Variants in IL12B observed in about 807,000 individuals in gnomAD.
IL12B encodes interleukin 12B, also known as interleukin-12 subunit beta.
In IL12B, 27 loss-of-function variants were observed where a neutral mutation model predicts 39.2. The ratio of observed to expected loss-of-function variants is 0.69; its 90% CI spans 0.51 to 0.95. IL12B has a LOEUF of 0.95. Among genes scored for constraint, IL12B ranks in the 40% least tolerant of loss-of-function variants. The pLI is 0.00. For missense variants in IL12B, 351 were observed against 397.6 expected, an observed-to-expected ratio of 0.88 and a Z score of 1.00; for synonymous variants, 142 against 152.1, an observed-to-expected ratio of 0.93 and a Z score of 0.49.
At chr5:159,326,264 T>C (rs997677215) in intron 2 of IL12B, among the ~76,000 whole-genome samples, 4 of 152,170 alleles carry the variant, frequency 2.6e-5, no homozygotes, top group African/African-American at 9.7e-5. Flanking sequence ...AATCCTATGC[T>C]TCCTCCAAAG....
At position 159,320,326 on chromosome 5, in the gene IL12B, C is replaced by G; in HGVS notation, c.677G>C (p.Ser226Thr). Reference protein sequence around the residue: ...HKLKYENYTSSFFIRDIIKPD... With the variant: ...HKLKYENYTSTFFIRDIIKPD... ...CTCACTGATGTCCCTGATGAAGAAG[C>G]TGCTGGTGTAGTTTTCATACTTGAG... The change falls in exon 5 of 8, where the codon AGC becomes ACC. Residue 226 changes from serine to threonine, a missense_variant. By Grantham distance (58) the Ser-to-Thr change is moderately conservative. Coordinates refer to ENST00000231228, the MANE Select transcript of IL12B (RefSeq NM_002187.3). The G allele has an allele frequency of 1.9e-6, 3 of 1,614,086 alleles. No homozygotes were observed. The highest frequency in any genetic ancestry group is 2.5e-6 in the Non-Finnish European group (3 of 1,179,968).
At chr5:159,326,161 T>C (rs1191431137) in intron 2 of IL12B, among the ~76,000 whole-genome samples, 1 of 152,218 alleles carries the variant, frequency 6.6e-6, no homozygotes, top group African/African-American at 2.4e-5. Context: ...AGTTTACAGT[T>C]GAGGAAATTC....
intron 2 of IL12B, 126 bp from the exon 3 acceptor site, chr5:159,323,455 T>A: frequency 1.1e-6 from 1 of 888,862 alleles, no homozygotes; most frequent in Non-Finnish European, 1.8e-6. Flanking sequence ...ATTTGGCAAA[T>A]GCTTGCTGAG....
In IL12B at chr5:159,315,094, T is replaced by A. The variant is rs1199083199; in HGVS notation, c.*1007A>T. Reference sequence around the variant, plus strand: ...TCTCTCTTGAATCTTAAGATCTTTTTGCCTTCCAGACACTTACGGTGTTTC... The same window carrying A: ...TCTCTCTTGAATCTTAAGATCTTTTAGCCTTCCAGACACTTACGGTGTTTC... On this transcript the variant is annotated 3_prime_UTR_variant, in exon 8 of 8. Coordinates refer to ENST00000231228, the MANE Select transcript of IL12B (RefSeq NM_002187.3). 6.6e-6 allele frequency: 1 copy of A among 152,354 alleles called. No homozygotes were observed. The highest frequency in any genetic ancestry group is 1.9e-4 in the East Asian group (1 of 5,332). The allele number at this position is 152,354 out of a possible 1,614,324, so 9.4% of individuals were successfully genotyped here.
chr5:159,328,254 A>G (rs890296166), intron 1 of IL12B, among the ~76,000 whole-genome samples: 1 of 152,212 alleles, frequency 6.6e-6, no homozygotes, highest in Non-Finnish European at 1.5e-5. Flanking sequence ...GGGCATGGCT[A>G]TCACTTCAGT....
At chr5:159,329,767 T>C (rs1291300835) in intron 1 of IL12B, among the ~76,000 whole-genome samples, 1 of 152,100 alleles carries the variant, frequency 6.6e-6, no homozygotes, top group African/African-American at 2.4e-5. Context: ...TTTGTTAAAA[T>C]GACATTGTTG....
chr5:159,326,797 A>G lies in IL12B; in HGVS notation c.1-15T>C, dbSNP rs760794479. The G allele has an allele frequency of 6.6e-7, 1 of 1,506,044 alleles. No individual in the cohort carries two copies. Among genetic ancestry groups the G allele is most frequent in the South Asian group, 1.1e-5 (1 of 89,000 alleles). 93.3% of individuals were successfully genotyped at this position (1,506,044 alleles called of 1,614,324 possible). A position where few individuals can be genotyped will look rare whatever the true frequency, so the allele number is the denominator to read the frequency against. On this transcript the variant is annotated splice_polypyrimidine_tract_variant and intron_variant, in intron 1 of 7. Transcript: ENST00000231228. ...TGGTGACACATCTATAAGAAGGGAG[A>G]GAAGCAGGGGGAAGAGAAGGAGGAA...
chr5:159,324,078 G>A (rs1754148919), intron 2 of IL12B, among the ~76,000 whole-genome samples: 1 of 150,348 alleles, frequency 6.7e-6, no homozygotes, highest in African/African-American at 2.5e-5. Context: ...CACCAGTGGA[G>A]ATTTTCATTC....
At chr5:159,318,379 T>C (rs946803334) in intron 6 of IL12B, among the ~76,000 whole-genome samples, 2 of 152,238 alleles carry the variant, frequency 1.3e-5, no homozygotes, top group African/African-American at 4.8e-5. Flanking sequence ...AGTGGTCCTA[T>C]ATTGTTATAA....
intron 1 of IL12B, 140 bp downstream of exon 1, chr5:159,330,292 G>C (rs1394755241): frequency 6.6e-6 from 1 of 152,146 alleles, no homozygotes; most frequent in African/African-American, 2.4e-5. Context: ...TGTTCCAGCA[G>C]ATGACTCACC....
At position 159,316,748 on chromosome 5, in the gene IL12B, C is replaced by T; in HGVS notation, c.924G>A (p.Val308=). 2 of 1,614,150 alleles carry T rather than the reference C, an allele frequency of 1.2e-6. No individual in the cohort carries two copies. The highest frequency in any genetic ancestry group is 1.7e-6 in the Non-Finnish European group (2 of 1,180,018). The change falls in exon 7 of 8, where the codon GTG becomes GTA. Residue 308 remains valine (V), a synonymous_variant. Transcript: ENST00000231228. ...VICRKNASIS[V]RAQDRYYSSS... ...AGCTATAGTAGCGGTCCTGGGCCCG[C>T]ACGCTAATGCTGGCATTTTTGCGGC...
Position 159,320,528 on chromosome 5 carries a change from C to G in IL12B, c.483-8G>C, listed in dbSNP as rs3213099. ...CCTTGGGGGTCAGAAGAGCTGAAGTCAAAGACAGAAATTAGCCTGTGTTAC... is the reference window on the plus strand; with the variant it reads ...CCTTGGGGGTCAGAAGAGCTGAAGTGAAAGACAGAAATTAGCCTGTGTTAC... On this transcript the variant is annotated splice_region_variant and splice_polypyrimidine_tract_variant and intron_variant, in intron 4 of 7. Coordinates refer to ENST00000231228, the MANE Select transcript of IL12B (RefSeq NM_002187.3). 3.0e-3 allele frequency: 4,914 copies of G among 1,611,924 alleles called. 134 individuals carry two copies. In the African/African-American group the frequency reaches 0.057, roughly 19 times the overall value.
intron 7 of IL12B, among the ~76,000 whole-genome samples, 176 bp downstream of exon 7, chr5:159,316,509 C>T (rs1753992140): frequency 6.6e-6 from 1 of 152,234 alleles, no homozygotes; most frequent in African/African-American, 2.4e-5. Flanking sequence ...CAGTGTCCTA[C>T]ATAACAAAGG....
chr5:159,322,962 C>T, intron 3 of IL12B, 92 bp downstream of exon 3: 3 of 1,238,312 alleles, frequency 2.4e-6, no homozygotes, highest in Non-Finnish European at 2.4e-6. Flanking sequence ...ATTACACTCA[C>T]CATGACTTGG....
chr5:159,322,088 C>T (rs913456984), intron 4 of IL12B, among the ~76,000 whole-genome samples: 2 of 152,094 alleles, frequency 1.3e-5, no homozygotes, highest in East Asian at 3.9e-4. Flanking sequence ...CCGTTTATCC[C>T]TTTCTTTGGT....
At chr5:159,320,589 T>A in intron 4 of IL12B, 69 bp from the exon 5 acceptor site, 1 of 1,226,618 alleles carries the variant, frequency 8.2e-7, no homozygotes, top group Non-Finnish European at 1.2e-6. Context: ...TTGTAGCCAG[T>A]AAGGCAGGTA....
chr5:159,322,564 T>A (rs2113029154), intron 3 of IL12B, 53 bp from the exon 4 acceptor site: 1 of 1,194,582 alleles, frequency 8.4e-7, no homozygotes, highest in Non-Finnish European at 1.2e-6. Context: ...TGCAGAAAGG[T>A]TTTGATTGTG....
chr5:159,324,812 T>G (rs1219615499), intron 2 of IL12B, among the ~76,000 whole-genome samples: 1 of 152,240 alleles, frequency 6.6e-6, no homozygotes, highest in Non-Finnish European at 1.5e-5. Flanking sequence ...GTTATTGGCC[T>G]CTGGATGTAA....
At chr5:159,319,371 A>G (rs966100188) in intron 5 of IL12B, among the ~76,000 whole-genome samples, 10 of 152,204 alleles carry the variant, frequency 6.6e-5, no homozygotes, top group Admixed American at 2.0e-4. Flanking sequence ...GTCTTGGAGC[A>G]GTTACAGTCA....
Sources: allele counts gnomAD v4.1 joint callset (sites outside exome capture counted in the v4.1 genomes callset), GRCh38; gene constraint gnomAD v4.1.1; transcripts MANE v1.5; gene names NCBI Gene and HGNC (gene_info 2026-07-23, HGNC 2026-07-21).